The following SLC6A7 variants were observed in gnomAD, a reference collection of about 807,000 sequenced individuals.
SLC6A7 encodes the protein sodium-dependent proline transporter.
A neutral mutation model predicts 73.1 loss-of-function variants in SLC6A7; 58 were observed. The observed-to-expected ratio is 0.79, with a 90% CI of 0.64 to 0.99. The LOEUF (loss-of-function observed/expected upper bound fraction) is 0.99, where lower values mean the gene tolerates loss of function less well. Ranked by LOEUF, SLC6A7 falls within the 50% of genes least tolerant of loss-of-function variation. The pLI is 0.00. For missense variants in SLC6A7, 783 were observed against 831.4 expected (o/e 0.94, Z 0.72); for synonymous variants, 338 against 338.7 (o/e 1.00, Z 0.02).
rs753589135 is a variant in SLC6A7 at position 150,204,019 on chromosome 5, G to T, written c.1313G>T (p.Gly438Val). The change falls in exon 10 of 14, where the codon GGG becomes GTG. Residue 438 changes from glycine (G) to valine (V), a missense_variant. By Grantham distance (109) the Gly-to-Val change is moderately radical (BLOSUM62 -3). Transcript: ENST00000230671. ...ATCTGCGTGGCCATGTACCTGATGG[G>T]GCTGATCCTCACCACTGATGTGAGT... ...GLICVAMYLM[G>V]LILTTDGGMY... 6.2e-7 allele frequency: 1 copy of T among 1,613,332 alleles called. No individual in the cohort carries two copies. The highest frequency in any genetic ancestry group is 1.3e-5 in the African/African-American group (1 of 74,848).
Position 150,190,380 on chromosome 5 carries a change from GC to G in SLC6A7, c.33+21del. The G allele has an allele frequency of 6.8e-7, 1 of 1,480,676 alleles. No individual in the cohort carries two copies. Among genetic ancestry groups the G allele is most frequent in the Admixed American group, 2.6e-5 (1 of 38,394 alleles). 91.7% of individuals were successfully genotyped at this position (1,480,676 alleles called of 1,614,324 possible). A position where few individuals can be genotyped will look rare whatever the true frequency, so the allele number is the denominator to read the frequency against. ...CGCAAGGTAGGGCACGAGGGCGGGG[GC>G]GCTGGGGGTGCACCTGGAGGAGGGT... On this transcript the variant is annotated intron_variant, in intron 1 of 13. Coordinates refer to ENST00000230671, the MANE Select transcript of SLC6A7 (RefSeq NM_014228.5).
chr5:150,204,112 G>A (rs1268797972), intron 10 of SLC6A7, 74 bp downstream of exon 10: 1 of 1,464,468 alleles, frequency 6.8e-7, no homozygotes, highest in South Asian at 1.2e-5. Flanking sequence ...CTCTGGCCCA[G>A]CTGAGCAGTT....
In SLC6A7 at chr5:150,209,533, AG is replaced by A. The variant is rs1753863909; in HGVS notation, c.1830del (p.Lys610AsnfsTer26). ...SPKPLMVHMR[K>X]YGGITSFENT... ...AAGCCACTGATGGTGCACATGCGCAAGTACGGGGGCATCACCAGCTTCGAGA... is the reference window on the plus strand; with the variant it reads ...AAGCCACTGATGGTGCACATGCGCAATACGGGGGCATCACCAGCTTCGAGA... On this transcript the variant is annotated frameshift_variant, in exon 14 of 14. Transcript: ENST00000230671. LOFTEE classifies it high-confidence loss of function. 6.2e-7 allele frequency: 1 copy of A among 1,614,212 alleles called. No individual in the cohort carries two copies. The highest frequency in any genetic ancestry group is 8.5e-7 in the Non-Finnish European group (1 of 1,180,042).
rs546252863 is a variant in SLC6A7, at chr5:150,203,789, G to T, written c.1200+10G>T. 6.4e-7 allele frequency: 1 copy of T among 1,557,820 alleles called. No homozygotes were observed. The highest frequency in any genetic ancestry group is 1.1e-5 in the South Asian group (1 of 89,912). ...CGGCCTAGATAGCCAGGTGAGTCTC[G>T]TCTGTGGCAGCAGGCACCCCGTGTG... On this transcript the variant is annotated intron_variant, in intron 9 of 13. Transcript: ENST00000230671.
intron 1 of SLC6A7, among the ~76,000 whole-genome samples, chr5:150,190,706 G>T (rs1752742456): frequency 6.6e-6 from 1 of 152,318 alleles, no homozygotes; most frequent in Admixed American, 6.5e-5. Context: ...GCCAGGAGCT[G>T]ATTGCCGGGT....
chr5:150,198,999 C>T (rs1457678855), intron 4 of SLC6A7, among the ~76,000 whole-genome samples: 1 of 152,160 alleles, frequency 6.6e-6, no homozygotes, highest in Non-Finnish European at 1.5e-5. Context: ...GTCTCGAACT[C>T]CTATCCTCAA....
chr5:150,194,370 G>A (rs762703249), intron 1 of SLC6A7, among the ~76,000 whole-genome samples: 37 of 151,672 alleles, frequency 2.4e-4, no homozygotes, highest in Non-Finnish European at 4.3e-4. Context: ...TGGAGGTTGC[G>A]GTGTGCTGAG....
At chr5:150,208,047 C>T (rs1027320828) in intron 13 of SLC6A7, among the ~76,000 whole-genome samples, 3 of 149,584 alleles carry the variant, frequency 2.0e-5, no homozygotes, top group Admixed American at 6.8e-5. Flanking sequence ...ATCCTCTAGA[C>T]CGAAATGTCA....
chr5:150,198,055 G>GAA (rs1170997496), intron 4 of SLC6A7, among the ~76,000 whole-genome samples: 1 of 49,404 alleles, frequency 2.0e-5, no homozygotes, highest in African/African-American at 1.0e-4. Context: ...GAAAGAGAAA[G>GAA]AAAGAAAGAA....
chr5:150,195,936 G>C (rs139020406), intron 2 of SLC6A7, among the ~76,000 whole-genome samples: 119 of 152,290 alleles, frequency 7.8e-4, no homozygotes, highest in African/African-American at 2.8e-3. Context: ...CCCCGCAGTT[G>C]GTGGGGGACA....
In SLC6A7 at chr5:150,203,999, C is replaced by T. The variant is rs766473771; in HGVS notation, c.1293C>T (p.Cys431=). ...PKKAVFSGLI[C]VAMYLMGLIL... is the part of the protein sequence containing the mutation. Reference sequence around the variant, plus strand: ...AGGCGGTGTTCTCAGGGCTCATCTGCGTGGCCATGTACCTGATGGGGCTGA... The same window carrying T: ...AGGCGGTGTTCTCAGGGCTCATCTGTGTGGCCATGTACCTGATGGGGCTGA... Residue 431 remains cysteine, a synonymous_variant, in exon 10 of 14, where the codon TGC becomes TGT. Transcript: ENST00000230671. 7 of 1,613,634 alleles carry T rather than the reference C, an allele frequency of 4.3e-6. No individual in the cohort carries two copies. Among genetic ancestry groups the T allele is most frequent in the South Asian group, 2.2e-5 (2 of 90,962 alleles).
chr5:150,202,637 ATCT>A lies in SLC6A7; in HGVS notation c.1025_1027del (p.Phe342del), dbSNP rs1753445181. 1 of 1,614,100 alleles carries A rather than the reference ATCT, an allele frequency of 6.2e-7. No homozygotes were observed. The highest frequency in any genetic ancestry group is 1.3e-5 in the African/African-American group (1 of 74,936). On this transcript the variant is annotated inframe_deletion, in exon 8 of 14. Transcript: ENST00000230671. ...CACCAGCATCCTGGCTGGCTTTGCCATCTTCTCCGTGCTGGGCTACATGTCTCA... is the reference window on the plus strand; with the variant it reads ...CACCAGCATCCTGGCTGGCTTTGCCATCTCCGTGCTGGGCTACATGTCTCA...
rs550219722 is a variant in SLC6A7 at position 150,199,377 on chromosome 5, G to A, written c.723+11G>A. Reference sequence around the variant, plus strand: ...AAGTCTTCGGGCAAGGTGAAGCCTGGGAGGCCCCGGAGGCCTGAGGGGCTG... The same window carrying A: ...AAGTCTTCGGGCAAGGTGAAGCCTGAGAGGCCCCGGAGGCCTGAGGGGCTG... On this transcript the variant is annotated intron_variant, in intron 5 of 13. Transcript: ENST00000230671. 3.6e-5 allele frequency: 57 copies of A among 1,602,136 alleles called. No homozygotes were observed. The South Asian group carries it at 5.6e-4, about 16-fold the overall frequency.
chr5:150,206,767 G>A (rs1408931109), intron 13 of SLC6A7, among the ~76,000 whole-genome samples: 2 of 152,340 alleles, frequency 1.3e-5, no homozygotes, highest in African/African-American at 4.8e-5. Context: ...TGAGAGCCAG[G>A]GTACCTGCAA....
Position 150,202,706 on chromosome 5 carries a change from G to A in SLC6A7, c.1087+3G>A. ...TGTGGACCAAGTAGCCAAAGCAGGT[G>A]GGCAGGCTGCCAGGCCTCAGTGGGG... On this transcript the variant is annotated splice_donor_region_variant and intron_variant, in intron 8 of 13. Coordinates refer to ENST00000230671, the MANE Select transcript of SLC6A7 (RefSeq NM_014228.5). The A allele has an allele frequency of 6.2e-7, 1 of 1,613,916 alleles. No individual in the cohort carries two copies. Among genetic ancestry groups the A allele is most frequent in the Non-Finnish European group, 8.5e-7 (1 of 1,179,894 alleles).
chr5:150,190,472 G>T (rs974792421), intron 1 of SLC6A7, 112 bp downstream of exon 1: 24 of 705,918 alleles, frequency 3.4e-5, no homozygotes, highest in Non-Finnish European at 4.8e-5. Context: ...CCAGCTTCGG[G>T]CTCTGGGGAA....
Position 150,203,793 on chromosome 5 carries a change from G to T in SLC6A7, c.1200+14G>T. 6.5e-7 allele frequency: 1 copy of T among 1,547,438 alleles called. No homozygotes were observed. ...CTAGATAGCCAGGTGAGTCTCGTCT[G>T]TGGCAGCAGGCACCCCGTGTGTGTG... is the stretch of plus-strand genomic sequence containing the variant. On this transcript the variant is annotated intron_variant, in intron 9 of 13. Transcript: ENST00000230671.
rs1554115651 is a variant in SLC6A7 at position 150,198,115 on chromosome 5, GAGAA to G, written c.584+862_584+865del. On this transcript the variant is annotated intron_variant, in intron 4 of 13. Transcript: ENST00000230671. ...AGAAAGAAAGAAAGAAAGAAAGAAA[GAGAA>G]AGAAAGAAAGAAAGAAAGAAAGCAA... Among the ~76,000 whole-genome samples the G allele has an allele frequency of 8.9e-4, 69 of 77,614 alleles. 1 individual carries two copies. The highest frequency in any genetic ancestry group is 3.6e-3 in the Admixed American group (29 of 8,042). The allele number at this position is 77,614 out of a possible 152,430, so 50.9% of individuals were successfully genotyped here.
chr5:150,191,453 C>T (rs182803679), intron 1 of SLC6A7, among the ~76,000 whole-genome samples: 5 of 148,096 alleles, frequency 3.4e-5, no homozygotes, highest in African/African-American at 7.5e-5. Flanking sequence ...TTTTTTGAGA[C>T]GGAGTCTCGC....
Sources: gnomAD v4.1 joint callset for allele counts (sites outside exome capture counted in the v4.1 genomes callset) on GRCh38, gnomAD v4.1.1 for gene constraint, MANE v1.5 for transcripts, NCBI Gene and HGNC (gene_info 2026-07-23, HGNC 2026-07-21) for gene names.